Variants in CSTPP1 observed in about 807,000 individuals in gnomAD.
CSTPP1 encodes the protein centriolar satellite-associated tubulin polyglutamylase complex regulator 1, also known as UPF0705 protein C11orf49.
At chr11:47,038,115 C>A in the CSTPP1 span, among the ~76,000 whole-genome samples, 2 of 41,296 alleles carry the variant, frequency 4.8e-5, no homozygotes, top group African/African-American at 1.6e-4. Context: ...GACCCCCCCA[C>A]CTCCCTCCCG....
At chr11:46,943,455 G>A in the CSTPP1 span, among the ~76,000 whole-genome samples, 13 of 152,168 alleles carry the variant, frequency 8.5e-5, no homozygotes, top group East Asian at 1.9e-4. Flanking sequence ...AGACCTATAC[G>A]TGGATCCTGG....
At chr11:47,038,038 C>T in the CSTPP1 span, among the ~76,000 whole-genome samples, 1 of 117,192 alleles carries the variant, frequency 8.5e-6, no homozygotes, top group African/African-American at 2.6e-5. Context: ...CCTCACTTCC[C>T]AGTAGGGGCG....
chr11:47,138,637 TG>T, the CSTPP1 span, among the ~76,000 whole-genome samples: 2 of 152,172 alleles, frequency 1.3e-5, no homozygotes, highest in African/African-American at 4.8e-5. Flanking sequence ...TTTAACCACA[TG>T]AGGTAATTGG....
the CSTPP1 span, among the ~76,000 whole-genome samples, chr11:47,122,091 A>ATATATATATATATATATAT: frequency 6.3e-5 from 2 of 31,838 alleles, no homozygotes; most frequent in Non-Finnish European, 1.3e-4. Context: ...AAAAAAAAAA[A>ATATATATATATATATATAT]ATATATATAT....
the CSTPP1 span, among the ~76,000 whole-genome samples, chr11:47,098,628 C>G: frequency 1.3e-5 from 2 of 151,746 alleles, no homozygotes; most frequent in Non-Finnish European, 2.9e-5. Flanking sequence ...GCCTCAGCCT[C>G]CTGCGTAGCT....
chr11:47,063,357 T>A, the CSTPP1 span, among the ~76,000 whole-genome samples: 10 of 152,306 alleles, frequency 6.6e-5, no homozygotes, highest in African/African-American at 2.4e-4. Flanking sequence ...CTTTAACCAT[T>A]TTTAAGTGTA....
the CSTPP1 span, among the ~76,000 whole-genome samples, chr11:46,963,462 A>G: frequency 6.6e-6 from 1 of 152,084 alleles, no homozygotes; most frequent in Non-Finnish European, 1.5e-5. Context: ...TGGAGGGAAA[A>G]AAAGAAAACA....
At chr11:47,087,907 G>T in the CSTPP1 span, among the ~76,000 whole-genome samples, 1 of 152,120 alleles carries the variant, frequency 6.6e-6, no homozygotes, top group African/African-American at 2.4e-5. Context: ...GATTTTGATT[G>T]GGACTGCAGT....
chr11:47,037,296 A>T, the CSTPP1 span, among the ~76,000 whole-genome samples: 7 of 127,412 alleles, frequency 5.5e-5, 1 homozygote, highest in Non-Finnish European at 9.3e-5. Context: ...AGGTCGACTT[A>T]AAAACGTAGA....
At chr11:47,109,900 G>A in the CSTPP1 span, among the ~76,000 whole-genome samples, 2 of 152,238 alleles carry the variant, frequency 1.3e-5, no homozygotes, top group East Asian at 3.8e-4. Context: ...TGTGCAGAAT[G>A]GAGAGGCGGG....
chr11:46,952,434 G>A, the CSTPP1 span, among the ~76,000 whole-genome samples: 4 of 152,324 alleles, frequency 2.6e-5, no homozygotes, highest in African/African-American at 7.2e-5. Context: ...ATGGACAGTC[G>A]TGTGCAAGAA....
At chr11:47,073,907 G>A in the CSTPP1 span, among the ~76,000 whole-genome samples, 1 of 152,126 alleles carries the variant, frequency 6.6e-6, no homozygotes, top group Non-Finnish European at 1.5e-5. Flanking sequence ...AGTGTATTGA[G>A]GGTAGAAGAT....
At chr11:47,069,913 C>A in the CSTPP1 span, among the ~76,000 whole-genome samples, 4 of 152,208 alleles carry the variant, frequency 2.6e-5, no homozygotes, top group African/African-American at 9.7e-5. Flanking sequence ...GGGGGTTTCA[C>A]CATGTTGGCC....
chr11:46,996,487 A>G, the CSTPP1 span, among the ~76,000 whole-genome samples: 2 of 151,846 alleles, frequency 1.3e-5, no homozygotes, highest in Admixed American at 6.6e-5. Flanking sequence ...TATTTTTAGT[A>G]GAGACGGGGT....
chr11:47,072,518 T>C, the CSTPP1 span, among the ~76,000 whole-genome samples: 1 of 152,192 alleles, frequency 6.6e-6, no homozygotes, highest in African/African-American at 2.4e-5. Context: ...GCTTTGTCAC[T>C]TGAAGAAGGA....
At chr11:47,066,328 A>G in the CSTPP1 span, among the ~76,000 whole-genome samples, 1 of 151,720 alleles carries the variant, frequency 6.6e-6, no homozygotes, top group Admixed American at 6.6e-5. Context: ...AAATTTGCAC[A>G]TTCTCCCCAT....
chr11:47,038,156 A>AC, the CSTPP1 span, among the ~76,000 whole-genome samples: 1 of 39,894 alleles, frequency 2.5e-5, no homozygotes, highest in Non-Finnish European at 6.3e-5. Context: ...CGGGGGGCGG[A>AC]CCCCCCCACC....
chr11:46,998,357 C>T, the CSTPP1 span, among the ~76,000 whole-genome samples: 34 of 152,242 alleles, frequency 2.2e-4, no homozygotes, highest in African/African-American at 8.2e-4. Context: ...TCTACCAACA[C>T]ACTGTTGAAA....
the CSTPP1 span, among the ~76,000 whole-genome samples, chr11:47,107,425 A>C: frequency 6.6e-6 from 1 of 152,138 alleles, no homozygotes; most frequent in Admixed American, 6.5e-5. Context: ...TTCTGTCCTT[A>C]TGAGGTCCCA....
Sources: gnomAD v4.1 joint callset for allele counts (sites outside exome capture counted in the v4.1 genomes callset) on GRCh38, gnomAD v4.1.1 for gene constraint, MANE v1.5 for transcripts, NCBI Gene and HGNC (gene_info 2026-07-23, HGNC 2026-07-21) for gene names.